SORT1: variants seen among roughly 807,000 people sequenced by gnomAD.
SORT1 encodes the protein sortilin 1, also known as sortilin.
Under a neutral mutation model 101.7 loss-of-function variants are expected in SORT1, and 39 were observed. That is an observed-to-expected ratio of 0.38 (90% CI 0.30 to 0.50). The LOEUF (loss-of-function observed/expected upper bound fraction) is 0.50, where lower values mean the gene tolerates loss of function less well. Among genes scored for constraint, SORT1 ranks in the 20% least tolerant of loss-of-function variants. SORT1 has a pLI of 0.90. For missense variants in SORT1, 878 were observed against 1,040.4 expected (o/e 0.84, Z 2.15); for synonymous variants, 396 against 393.7 (o/e 1.01, Z -0.07).
chr1:109,356,563 ACTAAT>A (rs1293715074), intron 3 of SORT1, among the ~76,000 whole-genome samples: 1 of 152,216 alleles, frequency 6.6e-6, no homozygotes, highest in African/African-American at 2.4e-5. Flanking sequence ...AAGGCTTCTA[ACTAAT>A]CTATTAATCC....
chr1:109,379,755 G>A (rs1149175), intron 1 of SORT1, among the ~76,000 whole-genome samples: 15,058 of 152,136 alleles, frequency 0.099, 895 homozygotes, highest in Non-Finnish European at 0.14. Flanking sequence ...AGTTACTGGC[G>A]CAGGAATAGA....
chr1:109,379,891 TAAA>T (rs1652110814), intron 1 of SORT1, among the ~76,000 whole-genome samples: 1 of 152,048 alleles, frequency 6.6e-6, no homozygotes, highest in East Asian at 1.9e-4. Context: ...AAAAATAAAA[TAAA>T]AAGCTGAATT....
intron 1 of SORT1, among the ~76,000 whole-genome samples, chr1:109,371,155 T>C (rs1651461360): frequency 6.6e-6 from 1 of 152,224 alleles, no homozygotes; most frequent in Non-Finnish European, 1.5e-5. Flanking sequence ...AACTCTCAAA[T>C]GCTCGGCAGA....
chr1:109,355,252 C>T, intron 4 of SORT1, 115 bp downstream of exon 4: 1 of 668,064 alleles, frequency 1.5e-6, no homozygotes, highest in Non-Finnish European at 2.7e-6. Context: ...ATAAATATAG[C>T]AATACTAAAC....
chr1:109,361,410 T>G (rs371716725), intron 3 of SORT1, among the ~76,000 whole-genome samples: 107 of 152,282 alleles, frequency 7.0e-4, no homozygotes, highest in African/African-American at 2.5e-3. Flanking sequence ...TGGTCCACAT[T>G]TTTACGAATA....
chr1:109,351,492 C>T (rs1320030446), intron 5 of SORT1, among the ~76,000 whole-genome samples: 1 of 152,152 alleles, frequency 6.6e-6, no homozygotes, highest in Non-Finnish European at 1.5e-5. Flanking sequence ...GGTGTTGCTG[C>T]ACAAAGAGAG....
chr1:109,346,413 GAGATTACTTAATTCTAATAC>G (rs1649600097), intron 7 of SORT1, among the ~76,000 whole-genome samples: 1 of 151,590 alleles, frequency 6.6e-6, no homozygotes, highest in African/African-American at 2.4e-5. Flanking sequence ...GGAAAGGTAA[GAGATTACTTAATTCTAATAC>G]AGTGTTTCAT....
chr1:109,341,746 C>T (rs2101581967), intron 9 of SORT1, among the ~76,000 whole-genome samples: 1 of 152,272 alleles, frequency 6.6e-6, no homozygotes. Context: ...AATTTCTGTA[C>T]TTATCTGGTA....
Position 109,309,656 on chromosome 1 carries a change from C to A in SORT1, c.*4387G>T, listed in dbSNP as rs1658601635. The A allele has an allele frequency of 6.6e-6, 1 of 152,132 alleles. No individual in the cohort carries two copies. The highest frequency in any genetic ancestry group is 6.5e-5 in the Admixed American group (1 of 15,270). 9.4% of individuals were successfully genotyped at this position (152,132 alleles called of 1,614,324 possible). On this transcript the variant is annotated 3_prime_UTR_variant, in exon 20 of 20. Transcript: ENST00000256637. ...AAAATTACCAGTACAAAGTTAAACA[C>A]ATTCAGATTTATTTACACAATGCTA...
chr1:109,325,343 TTCTC>T (rs1168884697), intron 13 of SORT1, among the ~76,000 whole-genome samples: 10 of 151,330 alleles, frequency 6.6e-5, no homozygotes, highest in Admixed American at 5.9e-4. Context: ...GTTCAAGTGA[TTCTC>T]TCTCATGCCT....
Position 109,309,684 on chromosome 1 carries a change from G to T in SORT1, c.*4359C>A, listed in dbSNP as rs1431610674. On this transcript the variant is annotated 3_prime_UTR_variant, in exon 20 of 20. Transcript: ENST00000256637. Reference sequence around the variant, plus strand: ...TCAGATTTATTTACACAATGCTAAAGAAATTTGAGTTTTATTTCCATTTTG... The same window carrying T: ...TCAGATTTATTTACACAATGCTAAATAAATTTGAGTTTTATTTCCATTTTG... The T allele has an allele frequency of 6.6e-6, 1 of 152,152 alleles. No homozygotes were observed. Among genetic ancestry groups the T allele is most frequent in the African/African-American group, 2.4e-5 (1 of 41,416 alleles). The allele number at this position is 152,152 out of a possible 1,614,324, so 9.4% of individuals were successfully genotyped here.
chr1:109,325,389 G>A (rs969502820), intron 13 of SORT1, among the ~76,000 whole-genome samples: 3 of 151,660 alleles, frequency 2.0e-5, no homozygotes, highest in African/African-American at 7.3e-5. Context: ...TTACAGGAAC[G>A]TGCCACCACA....
intron 1 of SORT1, among the ~76,000 whole-genome samples, chr1:109,390,771 A>ATATG (rs1553201565): frequency 6.9e-6 from 1 of 145,618 alleles, no homozygotes. Flanking sequence ...GTGTGTGTGT[A>ATATG]TGTGTGTGTG....
chr1:109,376,445 C>CT (rs1427749785), intron 1 of SORT1, among the ~76,000 whole-genome samples: 1 of 151,970 alleles, frequency 6.6e-6, no homozygotes, highest in Non-Finnish European at 1.5e-5. Context: ...GACACATGCA[C>CT]TATGTTAATT....
intron 1 of SORT1, among the ~76,000 whole-genome samples, chr1:109,385,321 T>C (rs1652506270): frequency 6.6e-6 from 1 of 152,132 alleles, no homozygotes; most frequent in Admixed American, 6.5e-5. Flanking sequence ...CTCTTCTTAG[T>C]GACCTAGGCT....
chr1:109,386,704 TA>T (rs753771010), intron 1 of SORT1, among the ~76,000 whole-genome samples: 8 of 152,148 alleles, frequency 5.3e-5, no homozygotes, highest in Non-Finnish European at 1.2e-4. Flanking sequence ...AAATAATTGT[TA>T]AAAGTTTAAA....
intron 16 of SORT1, among the ~76,000 whole-genome samples, chr1:109,317,598 G>T (rs558778964): frequency 1.2e-4 from 19 of 152,330 alleles, no homozygotes; most frequent in Admixed American, 3.3e-4. Context: ...GGGAGGCAGG[G>T]GTGCAGGATC....
chr1:109,359,510 T>G (rs556684335), intron 3 of SORT1, among the ~76,000 whole-genome samples: 1 of 152,124 alleles, frequency 6.6e-6, no homozygotes, highest in Non-Finnish European at 1.5e-5. Flanking sequence ...TTTTATTTTA[T>G]TTTTTTGAGA....
At chr1:109,347,915 C>A (rs1036888937) in intron 6 of SORT1, among the ~76,000 whole-genome samples, 1 of 152,188 alleles carries the variant, frequency 6.6e-6, no homozygotes, top group Admixed American at 6.5e-5. Flanking sequence ...GGACGGTCCT[C>A]CACAATAAAG....
Sources: gnomAD v4.1 joint callset for allele counts (sites outside exome capture counted in the v4.1 genomes callset) on GRCh38, gnomAD v4.1.1 for gene constraint, MANE v1.5 for transcripts, NCBI Gene and HGNC (gene_info 2026-07-23, HGNC 2026-07-21) for gene names.